The following CSMD1 variants were observed in gnomAD, a reference collection of about 807,000 sequenced individuals.
The protein encoded by CSMD1 is CUB and Sushi multiple domains 1.
Under a neutral mutation model 417.5 loss-of-function variants are expected in CSMD1, and 213 were observed. That is an observed-to-expected ratio of 0.51 (90% CI 0.46 to 0.57). The LOEUF is 0.57. Ranked by LOEUF, CSMD1 falls within the 20% of genes least tolerant of loss-of-function variation. The pLI is 0.00. For missense variants in CSMD1, 6,923 were observed against 4,529.7 expected, an observed-to-expected ratio of 1.53 and a Z score of -15.17; for synonymous variants, 2,862 against 1,736.8, an observed-to-expected ratio of 1.65 and a Z score of -16.11.
At chr8:3,512,849 G>A (rs960295236) in intron 10 of CSMD1, among the ~76,000 whole-genome samples, 10 of 151,944 alleles carry the variant, frequency 6.6e-5, no homozygotes, top group African/African-American at 2.4e-4. Context: ...GCCCACCTCG[G>A]CCTCCCAAAA....
chr8:3,544,247 A>T (rs1007093388), intron 10 of CSMD1, among the ~76,000 whole-genome samples: 5 of 152,164 alleles, frequency 3.3e-5, no homozygotes, highest in Admixed American at 1.3e-4. Context: ...AAGTGCCCCG[A>T]CATCCTGATA....
intron 1 of CSMD1, among the ~76,000 whole-genome samples, chr8:4,903,239 C>G (rs1035836532): frequency 6.6e-6 from 1 of 152,166 alleles, no homozygotes; most frequent in Admixed American, 6.6e-5. Context: ...GCACTTACAG[C>G]CAGACTTAGT....
intron 12 of CSMD1, among the ~76,000 whole-genome samples, chr8:3,424,315 A>G (rs1420208890): frequency 6.6e-6 from 1 of 152,232 alleles, no homozygotes; most frequent in Non-Finnish European, 1.5e-5. Context: ...AATTTTGAGT[A>G]CAATCTGACT....
At chr8:4,949,190 C>G (rs1278758475) in intron 1 of CSMD1, among the ~76,000 whole-genome samples, 1 of 152,026 alleles carries the variant, frequency 6.6e-6, no homozygotes, top group African/African-American at 2.4e-5. Context: ...ATAATATTGT[C>G]TTAAATACCA....
At chr8:4,178,058 G>A (rs932996003) in intron 3 of CSMD1, among the ~76,000 whole-genome samples, 9 of 152,100 alleles carry the variant, frequency 5.9e-5, no homozygotes, top group East Asian at 1.9e-4. Context: ...GAAAAAGAGG[G>A]CACCCTCACT....
intron 5 of CSMD1, among the ~76,000 whole-genome samples, chr8:3,796,653 T>C (rs1675784254): frequency 6.7e-6 from 1 of 149,782 alleles, no homozygotes; most frequent in South Asian, 2.1e-4. Flanking sequence ...TATAGATATA[T>C]ATCCACCTAT....
At chr8:4,372,238 T>C (rs1047680320) in intron 3 of CSMD1, among the ~76,000 whole-genome samples, 1 of 152,204 alleles carries the variant, frequency 6.6e-6, no homozygotes, top group Non-Finnish European at 1.5e-5. Context: ...TAAAACTTTA[T>C]ATGAAGTAAA....
At chr8:3,969,328 C>G (rs888181520) in intron 5 of CSMD1, among the ~76,000 whole-genome samples, 2 of 152,156 alleles carry the variant, frequency 1.3e-5, no homozygotes, top group Non-Finnish European at 2.9e-5. Flanking sequence ...GGCCCATGCT[C>G]TCGCTACTTG....
At position 4,269,693 on chromosome 8, in the gene CSMD1, T is replaced by C. The variant is rs573775702; in HGVS notation, c.415+150260A>G. On this transcript the variant is annotated intron_variant, in intron 3 of 69. Transcript: ENST00000635120. ...AATAAAATTTTTTGTTTCTTTGCAG[T>C]TTATCAATTAACCAGCATCTGTTGA... Among the ~76,000 whole-genome samples the C allele has an allele frequency of 5.3e-5, 8 of 152,314 alleles. No homozygotes were observed. In the East Asian group the frequency reaches 1.5e-3, roughly 29 times the overall value.
At chr8:3,556,607 G>C (rs1179376586) in intron 10 of CSMD1, among the ~76,000 whole-genome samples, 2 of 150,856 alleles carry the variant, frequency 1.3e-5, no homozygotes, top group African/African-American at 4.9e-5. Flanking sequence ...TTGCCTTTAG[G>C]GCTGGTACAA....
intron 12 of CSMD1, among the ~76,000 whole-genome samples, chr8:3,431,038 C>G (rs1310695446): frequency 1.3e-5 from 2 of 152,112 alleles, no homozygotes; most frequent in Non-Finnish European, 2.9e-5. Context: ...ATCAGGAACC[C>G]TGCTAGTAAT....
intron 1 of CSMD1, among the ~76,000 whole-genome samples, chr8:4,943,267 G>A (rs1383851361): frequency 2.6e-5 from 4 of 152,026 alleles, no homozygotes; most frequent in Non-Finnish European, 4.4e-5. Flanking sequence ...CGGCCCAGGC[G>A]GGCAGATCAC....
chr8:4,042,293 G>T (rs1203679266), intron 3 of CSMD1, among the ~76,000 whole-genome samples: 1 of 152,120 alleles, frequency 6.6e-6, no homozygotes, highest in Non-Finnish European at 1.5e-5. Flanking sequence ...CTACTAGTGG[G>T]GGTAGGAGTA....
At chr8:3,387,105 G>T (rs958518408) in intron 18 of CSMD1, among the ~76,000 whole-genome samples, 4 of 152,128 alleles carry the variant, frequency 2.6e-5, no homozygotes, top group African/African-American at 9.7e-5. Context: ...ACAAAGACAC[G>T]GACTGTAGAC....
At chr8:4,072,996 A>G (rs1799638070) in intron 3 of CSMD1, among the ~76,000 whole-genome samples, 1 of 152,190 alleles carries the variant, frequency 6.6e-6, no homozygotes, top group African/African-American at 2.4e-5. Flanking sequence ...ATTACACAAT[A>G]TACTCTATAT....
At chr8:4,202,939 T>C (rs1021358789) in intron 3 of CSMD1, among the ~76,000 whole-genome samples, 1 of 152,226 alleles carries the variant, frequency 6.6e-6, no homozygotes, top group African/African-American at 2.4e-5. Context: ...GTTGGCCTTA[T>C]CTCTTTTTGC....
At chr8:3,642,421 A>T (rs914083568) in intron 7 of CSMD1, among the ~76,000 whole-genome samples, 5 of 152,162 alleles carry the variant, frequency 3.3e-5, no homozygotes, top group Non-Finnish European at 5.9e-5. Flanking sequence ...TAAATTTATG[A>T]TACCTATATG....
At chr8:4,336,682 C>A (rs557524164) in intron 3 of CSMD1, among the ~76,000 whole-genome samples, 2 of 152,062 alleles carry the variant, frequency 1.3e-5, no homozygotes, top group African/African-American at 4.8e-5. Context: ...CATAGTCCTT[C>A]GAAGACAAAG....
At position 4,891,275 on chromosome 8, in the gene CSMD1, A is replaced by G. The variant is rs532553854; in HGVS notation, c.85+103057T>C. ...ACCTATCTCTACATCCTTAGGTAAA[A>G]CAAGAATACTCTTACAAGTGAAGAC... is the stretch of plus-strand genomic sequence containing the variant. On this transcript the variant is annotated intron_variant, in intron 1 of 69. Coordinates refer to ENST00000635120, the MANE Select transcript of CSMD1 (RefSeq NM_033225.6). 5.3e-5 allele frequency among the ~76,000 whole-genome samples: 8 copies of G among 152,250 alleles called. No individual in the cohort carries two copies. The South Asian group carries it at 1.4e-3, about 28-fold the overall frequency.
Sources: gnomAD v4.1 joint callset for allele counts (sites outside exome capture counted in the v4.1 genomes callset) on GRCh38, gnomAD v4.1.1 for gene constraint, MANE v1.5 for transcripts, NCBI Gene and HGNC (gene_info 2026-07-23, HGNC 2026-07-21) for gene names.